Variants in BPIFC observed in about 807,000 individuals in gnomAD.
BPIFC encodes BPI fold containing family C, also known as BPI fold-containing family C protein.
In BPIFC, 60 loss-of-function variants were observed where a neutral mutation model predicts 57.6. That is an observed-to-expected ratio of 1.04 (90% CI 0.85 to 1.29). The LOEUF is 1.29. BPIFC is among the 50% of genes most tolerant of loss of function. BPIFC has a pLI of 0.00. For synonymous variants in BPIFC, 243 were observed against 224.5 expected (o/e 1.08, Z -0.74); for missense variants, 581 against 600.5 (o/e 0.97, Z 0.34).
chr22:32,434,027 T>A (rs1479629014), intron 10 of BPIFC, among the ~76,000 whole-genome samples: 1 of 151,792 alleles, frequency 6.6e-6, no homozygotes, highest in Non-Finnish European at 1.5e-5. Flanking sequence ...CTATTGTTAA[T>A]AACTGTAGAA....
chr22:32,416,986 C>T, intron 15 of BPIFC, 99 bp downstream of exon 15: 1 of 1,081,360 alleles, frequency 9.2e-7, no homozygotes, highest in Non-Finnish European at 1.4e-6. Flanking sequence ...GAAGTACAAG[C>T]TTCAGGGTGG....
intron 5 of BPIFC, 90 bp from the exon 6 acceptor site, chr22:32,446,086 G>A: frequency 2.1e-6 from 3 of 1,453,284 alleles, no homozygotes; most frequent in Non-Finnish European, 2.8e-6. Flanking sequence ...CTAAGCTCCT[G>A]GACTGCAGTG....
intron 16 of BPIFC, among the ~76,000 whole-genome samples, chr22:32,415,315 G>A (rs1345446000): frequency 6.6e-6 from 1 of 152,098 alleles, no homozygotes; most frequent in Non-Finnish European, 1.5e-5. Flanking sequence ...TGGGTGTTGG[G>A]GACCCCTGGA....
chr22:32,453,644 A>G, intron 3 of BPIFC, 141 bp from the exon 4 acceptor site: 1 of 1,108,662 alleles, frequency 9.0e-7, no homozygotes, highest in Non-Finnish European at 1.2e-6. Flanking sequence ...AGTGGGTATT[A>G]TTGTCTCTGG....
At chr22:32,458,140 G>C (rs1046880633) in intron 2 of BPIFC, among the ~76,000 whole-genome samples, 1 of 152,074 alleles carries the variant, frequency 6.6e-6, no homozygotes, top group Non-Finnish European at 1.5e-5. Context: ...TCAGCTACAA[G>C]GTGTAGAGGG....
chr22:32,451,464 G>T (rs946117507), intron 4 of BPIFC, among the ~76,000 whole-genome samples: 4 of 152,138 alleles, frequency 2.6e-5, no homozygotes, highest in African/African-American at 9.7e-5. Flanking sequence ...AACACCACAT[G>T]TTCTCACTCA....
intron 13 of BPIFC, among the ~76,000 whole-genome samples, chr22:32,429,200 T>TTTTTAC (rs146402408): frequency 0.072 from 9,226 of 127,362 alleles, 323 homozygotes; most frequent in African/African-American, 0.11. Flanking sequence ...TTTCTTTTCT[T>TTTTTAC]TTTTTCTTTT....
intron 9 of BPIFC, 146 bp downstream of exon 9, chr22:32,437,614 C>T (rs1221888495): frequency 3.5e-6 from 2 of 566,408 alleles, no homozygotes; most frequent in South Asian, 2.3e-5. Context: ...TGGTCTCAAA[C>T]TCCTGGCCTC....
intron 3 of BPIFC, among the ~76,000 whole-genome samples, chr22:32,455,914 T>G (rs188088168): frequency 1.2e-3 from 187 of 152,350 alleles, no homozygotes; most frequent in African/African-American, 4.3e-3. Flanking sequence ...ATGCTATATT[T>G]CCTGTGGGTG....
intron 15 of BPIFC, 37 bp downstream of exon 15, chr22:32,417,048 G>T: frequency 6.7e-7 from 1 of 1,495,698 alleles, no homozygotes; most frequent in South Asian, 1.1e-5. Context: ...AATGTTAGCC[G>T]ATGTTACAGT....
chr22:32,447,001 T>G (rs1275993480), intron 5 of BPIFC, among the ~76,000 whole-genome samples: 2 of 152,218 alleles, frequency 1.3e-5, no homozygotes, highest in Admixed American at 1.3e-4. Context: ...TTTGATCATA[T>G]GCTCTGCCTT....
intron 13 of BPIFC, among the ~76,000 whole-genome samples, chr22:32,427,672 C>A (rs980299890): frequency 6.6e-6 from 1 of 152,176 alleles, no homozygotes; most frequent in Non-Finnish European, 1.5e-5. Context: ...TCCTTCCCCC[C>A]TCACCCTCAT....
chr22:32,432,228 G>T (rs867672436), intron 12 of BPIFC, 145 bp downstream of exon 12: 10 of 857,496 alleles, frequency 1.2e-5, no homozygotes, highest in Non-Finnish European at 1.8e-5. Flanking sequence ...TTATAGGCAT[G>T]AGCCATCACG....
chr22:32,421,196 A>T (rs974954651), intron 13 of BPIFC, among the ~76,000 whole-genome samples: 1 of 152,170 alleles, frequency 6.6e-6, no homozygotes, highest in Non-Finnish European at 1.5e-5. Flanking sequence ...CTGTTTCCCA[A>T]TTTTGCCAAG....
chr22:32,425,779 A>G (rs1406030576), intron 13 of BPIFC, among the ~76,000 whole-genome samples: 1 of 152,150 alleles, frequency 6.6e-6, no homozygotes, highest in Non-Finnish European at 1.5e-5. Context: ...GGAGGTAGGT[A>G]CTATTATTCC....
At chr22:32,415,012 G>A (rs1356912819) in intron 16 of BPIFC, among the ~76,000 whole-genome samples, 1 of 152,224 alleles carries the variant, frequency 6.6e-6, no homozygotes, top group Non-Finnish European at 1.5e-5. Flanking sequence ...TGGCATTAGC[G>A]ACTGGTTTCA....
chr22:32,457,881 G>A (rs780263971), intron 2 of BPIFC, among the ~76,000 whole-genome samples: 1 of 152,100 alleles, frequency 6.6e-6, no homozygotes, highest in Non-Finnish European at 1.5e-5. Flanking sequence ...TCTGATACAC[G>A]ATGTTGTCTG....
chr22:32,462,567 A>C (rs557447849), intron 1 of BPIFC, among the ~76,000 whole-genome samples: 1 of 152,334 alleles, frequency 6.6e-6, no homozygotes, highest in African/African-American at 2.4e-5. Flanking sequence ...CCCTTTACAA[A>C]ACTCACAGTT....
chr22:32,417,255 A>G, intron 14 of BPIFC, 107 bp from the exon 15 acceptor site: 7 of 758,878 alleles, frequency 9.2e-6, no homozygotes, highest in South Asian at 3.2e-5. Flanking sequence ...GGCTCTCTCC[A>G]GCCTCGAACT....
Sources: allele counts gnomAD v4.1 joint callset (sites outside exome capture counted in the v4.1 genomes callset), GRCh38; gene constraint gnomAD v4.1.1; transcripts MANE v1.5; gene names NCBI Gene and HGNC (gene_info 2026-07-23, HGNC 2026-07-21).